The following RNASEH2B variants were observed in gnomAD, a reference collection of about 807,000 sequenced individuals.
RNASEH2B encodes Aicardi-Goutieres syndrome 2 protein.
In RNASEH2B, 36 loss-of-function variants were observed where a neutral mutation model predicts 45.0. That is an observed-to-expected ratio of 0.80 (90% CI 0.61 to 1.06). RNASEH2B has a LOEUF of 1.06. Ranked by LOEUF, RNASEH2B falls within the 50% of genes least tolerant of loss-of-function variation. The pLI, the probability that RNASEH2B is intolerant of heterozygous loss-of-function variation, is 0.00. For missense variants in RNASEH2B, 361 were observed against 360.3 expected (o/e 1.00, Z -0.02); for synonymous variants, 119 against 125.7 (o/e 0.95, Z 0.35).
At position 50,956,547 on chromosome 13, in the gene RNASEH2B, G is replaced by T; in HGVS notation, c.*73G>T. 1 of 1,543,912 alleles carries T rather than the reference G, an allele frequency of 6.5e-7. No individual in the cohort carries two copies. On this transcript the variant is annotated 3_prime_UTR_variant, in exon 11 of 11. Coordinates refer to ENST00000336617, the MANE Select transcript of RNASEH2B (RefSeq NM_024570.4). The stretch of plus-strand genomic sequence containing the variant: ...CAGTTTGTCCTTCCTGACTGTTAAT[G>T]ACTACCTTTGGTTGGGGGAAGGAAG...
chr13:50,961,594 C>A (rs1219346343), downstream of RNASEH2B, among the ~76,000 whole-genome samples: 2 of 152,110 alleles, frequency 1.3e-5, no homozygotes, highest in African/African-American at 4.8e-5. Flanking sequence ...AGCCCTGAAT[C>A]CACCTTTTTT....
At chr13:50,919,670 G>C (rs945322702) in intron 1 of RNASEH2B, among the ~76,000 whole-genome samples, 2 of 152,112 alleles carry the variant, frequency 1.3e-5, no homozygotes, top group East Asian at 3.8e-4. Context: ...AAGAGGTATG[G>C]GACTTCAGAT....
intron 9 of RNASEH2B, among the ~76,000 whole-genome samples, chr13:50,965,569 T>C (rs1952157362): frequency 6.6e-6 from 1 of 152,246 alleles, no homozygotes; most frequent in Admixed American, 6.5e-5. Context: ...CAATACAGTG[T>C]TGGAGTCCTT....
At chr13:50,913,310 A>G (rs1007282345) in intron 1 of RNASEH2B, among the ~76,000 whole-genome samples, 10 of 152,034 alleles carry the variant, frequency 6.6e-5, no homozygotes, top group Non-Finnish European at 1.2e-4. Context: ...CATATTTTTA[A>G]TGTTTTTCTT....
chr13:50,953,825 T>C (rs1024129566), intron 9 of RNASEH2B, 80 bp from the exon 10 acceptor site: 10 of 953,618 alleles, frequency 1.0e-5, no homozygotes, highest in Non-Finnish European at 1.7e-5. Context: ...GTCTAAATTA[T>C]ACATGTTGGG....
chr13:50,950,143 G>C (rs966462958), intron 9 of RNASEH2B: 1 of 152,346 alleles, frequency 6.6e-6, no homozygotes, highest in Non-Finnish European at 1.5e-5. Flanking sequence ...GCCCAGGCCA[G>C]ATCTCAGATG....
At chr13:50,964,797 A>G (rs952215012) in intron 9 of RNASEH2B, among the ~76,000 whole-genome samples, 16 of 152,164 alleles carry the variant, frequency 1.1e-4, no homozygotes, top group Non-Finnish European at 2.2e-4. Flanking sequence ...GAATATGCCA[A>G]GCTGTTTCCA....
chr13:50,960,342 T>C (rs1465504483), downstream of RNASEH2B, among the ~76,000 whole-genome samples: 1 of 152,132 alleles, frequency 6.6e-6, no homozygotes, highest in East Asian at 1.9e-4. Context: ...TCTTTTATTA[T>C]ATATTTTACA....
intron 2 of RNASEH2B, 53 bp downstream of exon 2, chr13:50,927,531 A>G (rs906140789): frequency 9.0e-7 from 1 of 1,114,074 alleles, no homozygotes; most frequent in Non-Finnish European, 1.4e-6. Flanking sequence ...GCTAATGAGT[A>G]TATACACTTT....
chr13:50,939,785 T>A (rs2137970386), intron 5 of RNASEH2B, among the ~76,000 whole-genome samples: 1 of 152,270 alleles, frequency 6.6e-6, no homozygotes, highest in South Asian at 2.1e-4. Flanking sequence ...TGGATCACTA[T>A]GTTAAATTCA....
At chr13:50,956,760 ATGTTAGAG>A (rs542862416) in exon 11 of RNASEH2B, 889 of 1,163,362 alleles carry the variant, frequency 7.6e-4, 10 homozygotes, top group African/African-American at 0.013. Context: ...ATGTGTGACA[ATGTTAGAG>A]TGTATGACTG....
chr13:50,920,036 TTTG>T (rs1951498516), intron 1 of RNASEH2B, among the ~76,000 whole-genome samples: 1 of 150,456 alleles, frequency 6.6e-6, no homozygotes, highest in African/African-American at 2.5e-5. Context: ...TTTGTTTTGT[TTTG>T]TTTTGTTTTG....
chr13:50,969,886 G>T, intron 9 of RNASEH2B: 1 of 1,539,314 alleles, frequency 6.5e-7, no homozygotes, highest in Non-Finnish European at 8.8e-7. Flanking sequence ...TCAGGTGACT[G>T]TTTCTCCTCA....
intron 6 of RNASEH2B, among the ~76,000 whole-genome samples, chr13:50,944,527 G>T (rs1036445789): frequency 6.6e-6 from 1 of 151,972 alleles, no homozygotes; most frequent in South Asian, 2.1e-4. Context: ...CTAGATGATG[G>T]GTTGATGGGT....
At chr13:50,919,080 G>T (rs551501549) in intron 1 of RNASEH2B, among the ~76,000 whole-genome samples, 1 of 152,282 alleles carries the variant, frequency 6.6e-6, no homozygotes, top group South Asian at 2.1e-4. Context: ...AGGAACAAGT[G>T]TCCATTGCTT....
intron 1 of RNASEH2B, chr13:50,915,188 C>A: frequency 2.6e-6 from 1 of 377,492 alleles, no homozygotes; most frequent in Non-Finnish European, 4.7e-6. Flanking sequence ...ATAAAAGTCT[C>A]ACATTCCATT....
chr13:50,964,922 C>T (rs893632734), intron 9 of RNASEH2B, among the ~76,000 whole-genome samples: 2 of 152,102 alleles, frequency 1.3e-5, no homozygotes, highest in Non-Finnish European at 2.9e-5. Context: ...GAGACCCAAT[C>T]CTTGACCTTC....
rs1271500392 is a variant in RNASEH2B, at chr13:50,929,545, A to G, written c.207A>G (p.Lys69=). 6.2e-7 allele frequency: 1 copy of G among 1,613,112 alleles called. No individual in the cohort carries two copies. Among genetic ancestry groups the G allele is most frequent in the African/African-American group, 1.3e-5 (1 of 74,876 alleles). ...QLFEVKVFKE[K]HHSWFINQSV... The stretch of plus-strand genomic sequence containing the variant: ...TTGAAGTAAAAGTTTTCAAGGAAAA[A>G]CACCATTCTTGGTTTATAAATCAAT... The change falls in exon 3 of 11, where the codon AAA becomes AAG. Residue 69 remains lysine (K), a synonymous_variant. Coordinates refer to ENST00000336617, the MANE Select transcript of RNASEH2B (RefSeq NM_024570.4).
intron 1 of RNASEH2B, among the ~76,000 whole-genome samples, chr13:50,917,273 C>T (rs1879799834): frequency 6.6e-6 from 1 of 152,182 alleles, no homozygotes; most frequent in South Asian, 2.1e-4. Flanking sequence ...GCTACCACGT[C>T]GTTTCACCAG....
Sources: gnomAD v4.1 joint callset for allele counts (sites outside exome capture counted in the v4.1 genomes callset) on GRCh38, gnomAD v4.1.1 for gene constraint, MANE v1.5 for transcripts, NCBI Gene and HGNC (gene_info 2026-07-23, HGNC 2026-07-21) for gene names.